The following ACBD4 variants were observed in gnomAD, a reference collection of about 807,000 sequenced individuals.
ACBD4 encodes the protein acyl-CoA-binding domain-containing protein 4.
Under a neutral mutation model 46.0 loss-of-function variants are expected in ACBD4, and 41 were observed. The observed-to-expected ratio is 0.89, with a 90% confidence interval of 0.69 to 1.16. The LOEUF (loss-of-function observed/expected upper bound fraction) is 1.16, where lower values mean the gene tolerates loss of function less well. Ranked by LOEUF, ACBD4 falls within the 50% of genes most tolerant of loss-of-function variation. The pLI is 0.00. For missense variants in ACBD4, 393 were observed against 399.5 expected, an observed-to-expected ratio of 0.98 and a Z score of 0.14; for synonymous variants, 162 against 155.9, an observed-to-expected ratio of 1.04 and a Z score of -0.29.
In ACBD4 at chr17:45,135,797, C is replaced by T. The variant is rs993696762; in HGVS notation, c.-194C>T. 7 of 206,338 alleles carry T rather than the reference C, an allele frequency of 3.4e-5. No individual in the cohort carries two copies. The highest frequency in any genetic ancestry group is 1.6e-4 in the African/African-American group (7 of 42,942). The allele number at this position is 206,338 out of a possible 1,614,324, so 12.8% of individuals were successfully genotyped here. On this transcript the variant is annotated 5_prime_UTR_variant, in exon 1 of 10. Coordinates refer to ENST00000321854, the MANE Select transcript of ACBD4 (RefSeq NM_001135705.3). ...GGCGGCCAGGGTGGGAGACTGTTCGCCCCGCCCTGAGTACTCCTATCTTGT... is the reference window on the plus strand; with the variant it reads ...GGCGGCCAGGGTGGGAGACTGTTCGTCCCGCCCTGAGTACTCCTATCTTGT...
chr17:45,131,765 A>G (rs1252741120), upstream of ACBD4, among the ~76,000 whole-genome samples: 1 of 152,218 alleles, frequency 6.6e-6, no homozygotes, highest in African/African-American at 2.4e-5. Context: ...GTCCTGCCAG[A>G]GCAGTGTGGC....
chr17:45,143,271 T>G (rs529855734), intron 9 of ACBD4, among the ~76,000 whole-genome samples, 172 bp from the exon 10 acceptor site: 2 of 152,290 alleles, frequency 1.3e-5, no homozygotes, highest in South Asian at 4.1e-4. Context: ...GAGGAAGATG[T>G]GGGAGGGAGT....
intron 9 of ACBD4, among the ~76,000 whole-genome samples, chr17:45,139,940 T>C (rs2055158374): frequency 2.0e-5 from 3 of 152,178 alleles, no homozygotes. Context: ...TCTGTCTCCC[T>C]GCAAAGCTGG....
upstream of ACBD4, chr17:45,132,154 C>A: frequency 2.5e-6 from 3 of 1,178,870 alleles, no homozygotes; most frequent in Non-Finnish European, 3.2e-6. The surrounding 1 kb of genome is among the most constrained non-coding windows in gnomAD (Gnocchi z 4.6). Flanking sequence ...CCCCGTGCAG[C>A]CTGGGGAATC....
At chr17:45,142,011 C>T (rs1173199260) in intron 9 of ACBD4, among the ~76,000 whole-genome samples, 1 of 151,672 alleles carries the variant, frequency 6.6e-6, no homozygotes. Context: ...ATACTCTTTC[C>T]TTCATCATCT....
Position 45,139,045 on chromosome 17 carries a change from G to T in ACBD4, c.674G>T (p.Gly225Val). 1.2e-6 allele frequency: 2 copies of T among 1,613,606 alleles called. No homozygotes were observed. The highest frequency in any genetic ancestry group is 1.7e-6 in the Non-Finnish European group (2 of 1,180,020). Residue 225 changes from glycine to valine, a missense_variant, in exon 9 of 10, where the codon GGG (glycine) becomes GTG (valine). Physicochemically the swap from Gly to Val is moderately radical, Grantham distance 109. Around this residue, in one of 3 missense-constraint regions of ACBD4, gnomAD observed 308 missense variants for 301.8 expected, o/e 1.02. Transcript: ENST00000321854. Reference protein sequence around the residue: ...KKEGLRGSPPGPQELDVWLLG... With the variant: ...KKEGLRGSPPVPQELDVWLLG... ...GAGGGGTTGCGGGGCAGCCCGCCGG[G>T]GCCCCAGGAGTTGGACGTGTGGCTG...
At chr17:45,138,254 A>G in intron 8 of ACBD4, 1 of 568,172 alleles carries the variant, frequency 1.8e-6, no homozygotes, top group Non-Finnish European at 3.2e-6. Flanking sequence ...TGGGAGTCCT[A>G]GCCCAGTTCT....
At chr17:45,132,527 C>A (rs2054480083), upstream of ACBD4, 9 of 275,238 alleles carry the variant, frequency 3.3e-5, no homozygotes, top group East Asian at 1.9e-3. This position sits in a 1 kb window ranked among gnomAD's most constrained non-coding sequence, Gnocchi z 4.6. Flanking sequence ...AACTTAGCGG[C>A]GCGGGAGGGA....
In ACBD4 at chr17:45,137,889, C is replaced by G. The variant is rs1008484950; in HGVS notation, c.574-24C>G. The G allele has an allele frequency of 2.5e-6, 4 of 1,613,826 alleles. No homozygotes were observed. The Admixed American group carries it at 5.0e-5, about 20-fold the overall frequency. ...CCCACTGTGCTCCCACTCCCACCCT[C>G]AGCTCTCTGACTCATCTCAGCAGGT... On this transcript the variant is annotated intron_variant, in intron 7 of 9. Transcript: ENST00000321854.
chr17:45,142,993 CCA>C (rs1263698682), intron 9 of ACBD4: 1 of 157,074 alleles, frequency 6.4e-6, no homozygotes, highest in African/African-American at 2.4e-5. Flanking sequence ...ACAAGGCGCC[CCA>C]CATTCACTCC....
chr17:45,138,786 C>G (rs1245977424), intron 8 of ACBD4, among the ~76,000 whole-genome samples: 2 of 138,956 alleles, frequency 1.4e-5, no homozygotes, highest in East Asian at 4.4e-4. Context: ...GCAAGACTGT[C>G]TAAAAAAAAA....
upstream of ACBD4, chr17:45,132,589 G>A (rs951439079): frequency 7.6e-6 from 2 of 263,188 alleles, no homozygotes; most frequent in African/African-American, 4.6e-5. The surrounding 1 kb of genome is among the most constrained non-coding windows in gnomAD (Gnocchi z 4.6). Flanking sequence ...AGGGAAGGGG[G>A]CGGGGCCGGG....
At chr17:45,139,952 A>G (rs529427616) in intron 9 of ACBD4, among the ~76,000 whole-genome samples, 2 of 152,250 alleles carry the variant, frequency 1.3e-5, no homozygotes, top group Non-Finnish European at 2.9e-5. Context: ...CAAAGCTGGT[A>G]CCCACCATTA....
chr17:45,138,933 T>G lies in ACBD4; in HGVS notation c.650-88T>G, dbSNP rs113926785. The stretch of plus-strand genomic sequence containing the variant: ...CAGCGACTGGGTTCCACTCCTACAC[T>G]TTCCTGGGCTTGCCCCAGCCTGCCC... On this transcript the variant is annotated intron_variant, in intron 8 of 9. Transcript: ENST00000321854. 350 of 1,458,796 alleles carry G rather than the reference T, an allele frequency of 2.4e-4. 2 individuals carry two copies. In the African/African-American group the frequency reaches 4.5e-3, roughly 19 times the overall value. 90.4% of individuals were successfully genotyped at this position (1,458,796 alleles called of 1,614,324 possible).
Position 45,143,914 on chromosome 17 carries a change from C to T in ACBD4, c.*343C>T. ...GGTCACCCGAATTTTCCCACCCCTG[C>T]TTCTCCCCGAGGAGGTTGAGCTCTT... On this transcript the variant is annotated 3_prime_UTR_variant, in exon 10 of 10. Transcript: ENST00000321854. 3.1e-6 allele frequency: 1 copy of T among 327,388 alleles called. No individual in the cohort carries two copies. The highest frequency in any genetic ancestry group is 5.7e-6 in the Non-Finnish European group (1 of 176,844). 20.3% of individuals were successfully genotyped at this position (327,388 alleles called of 1,614,324 possible).
rs371031912 is a variant in ACBD4 at position 45,136,824 on chromosome 17, C to G, written c.294+48C>G. 8.1e-5 allele frequency: 130 copies of G among 1,609,586 alleles called. No individual in the cohort carries two copies. The African/African-American group carries it at 1.6e-3, about 20-fold the overall frequency. On this transcript the variant is annotated intron_variant, in intron 4 of 9. Coordinates refer to ENST00000321854, the MANE Select transcript of ACBD4 (RefSeq NM_001135705.3). ...CCCCAGGCTCCTGGCCAGGTGGCCTCACCCTTCCAGTTCTGACCCCCACTA... is the reference window on the plus strand; with the variant it reads ...CCCCAGGCTCCTGGCCAGGTGGCCTGACCCTTCCAGTTCTGACCCCCACTA...
chr17:45,132,532 G>T (rs2054480235), upstream of ACBD4: 2 of 338,178 alleles, frequency 5.9e-6, no homozygotes, highest in Non-Finnish European at 4.8e-6. This position sits in a 1 kb window ranked among gnomAD's most constrained non-coding sequence, Gnocchi z 4.6. Flanking sequence ...AGCGGCGCGG[G>T]AGGGAGTCGG....
rs183718574 is a variant in ACBD4 at position 45,143,148 on chromosome 17, G to A, written c.790-295G>A. ...ATGTGGCACATCCTTAACAACACAG[G>A]TCTTCAGGTCATACCAAGGGTCATT... is the stretch of plus-strand genomic sequence containing the variant. On this transcript the variant is annotated intron_variant, in intron 9 of 9. Transcript: ENST00000321854. Among the ~76,000 whole-genome samples, 4 of 152,222 alleles carry A rather than the reference G, an allele frequency of 2.6e-5. No individual in the cohort carries two copies. The East Asian group carries it at 7.7e-4, about 29-fold the overall frequency.
chr17:45,138,302 A>G, intron 8 of ACBD4: 1 of 495,452 alleles, frequency 2.0e-6, no homozygotes. Context: ...AGTCATCCAT[A>G]TTCTCTGGAC....
Sources: gnomAD v4.1 joint callset for allele counts (sites outside exome capture counted in the v4.1 genomes callset) on GRCh38, gnomAD v4.1.1 for gene constraint, gnomAD v4.1.1 regional missense constraint, Gnocchi (gnomAD v3.1) non-coding constraint, MANE v1.5 for transcripts, NCBI Gene and HGNC (gene_info 2026-07-23, HGNC 2026-07-21) for gene names.